CTPS2: variants seen among roughly 807,000 people sequenced by gnomAD.
CTPS2 encodes the protein CTP synthase 2, also known as CTP synthase II.
In CTPS2, 19 loss-of-function variants were observed where a neutral mutation model predicts 46.8. The observed-to-expected ratio is 0.41, with a 90% CI of 0.28 to 0.60. The LOEUF is 0.60. Among genes scored for constraint, CTPS2 ranks in the 20% least tolerant of loss-of-function variants. CTPS2 has a pLI of 0.35. For missense variants in CTPS2, 286 were observed against 447.6 expected, an observed-to-expected ratio of 0.64 and a Z score of 3.26; for synonymous variants, 151 against 165.2, an observed-to-expected ratio of 0.91 and a Z score of 0.66.
intron 18 of CTPS2, among the ~76,000 whole-genome samples, chrX:16,590,343 C>A (rs1398049464): frequency 8.9e-6 from 1 of 111,769 alleles, no homozygotes; most frequent in African/African-American, 3.3e-5. Context: ...CACAGCCATG[C>A]TTGTTCACTT....
At chrX:16,663,108 G>A (rs890642786) in intron 13 of CTPS2, among the ~76,000 whole-genome samples, 2 of 111,395 alleles carry the variant, frequency 1.8e-5, no homozygotes, top group African/African-American at 6.5e-5. Flanking sequence ...AGTATATAAA[G>A]CAAGGTGGGA....
intron 14 of CTPS2, chrX:16,627,076 T>G (rs181147953): frequency 8.8e-6 from 1 of 114,162 alleles, no homozygotes; most frequent in East Asian, 2.8e-4. Context: ...CAATTACTTT[T>G]GCACCAACTT....
intron 14 of CTPS2, 148 bp from the exon 15 acceptor site, chrX:16,620,480 T>TTTC (rs1333098266): frequency 7.6e-5 from 30 of 394,434 alleles, no homozygotes; most frequent in Non-Finnish European, 1.3e-4. Flanking sequence ...TCATCTAGAT[T>TTTC]TTCTTCTTTT....
chrX:16,658,114 G>A (rs920136914), intron 13 of CTPS2, among the ~76,000 whole-genome samples: 1 of 109,725 alleles, frequency 9.1e-6, no homozygotes, highest in Non-Finnish European at 1.9e-5. Context: ...GCTGAGGCAG[G>A]AGGATTATCT....
chrX:16,630,205 A>C (rs1931384707), intron 14 of CTPS2, among the ~76,000 whole-genome samples: 1 of 108,774 alleles, frequency 9.2e-6, no homozygotes, highest in South Asian at 4.0e-4. Context: ...AGTTGTATAA[A>C]CTGCACTGCC....
intron 15 of CTPS2, 24 bp downstream of exon 15, chrX:16,620,253 A>C: frequency 2.6e-6 from 3 of 1,159,822 alleles, no homozygotes; most frequent in Non-Finnish European, 3.5e-6. Context: ...CATATTCCCC[A>C]GTAATTCAGC....
intron 11 of CTPS2, among the ~76,000 whole-genome samples, chrX:16,668,660 GGAAGGAAGGAA>G (rs1280476734): frequency 9.1e-5 from 9 of 99,143 alleles, no homozygotes; most frequent in Non-Finnish European, 1.8e-4. Context: ...ATGGAAGGAA[GGAAGGAAGGAA>G]GAAGGAAGAA....
chrX:16,653,025 A>T (rs904083867), intron 13 of CTPS2, among the ~76,000 whole-genome samples: 7 of 111,522 alleles, frequency 6.3e-5, no homozygotes, highest in Non-Finnish European at 1.1e-4. Flanking sequence ...TTGTGAATCT[A>T]CTTAGCACTA....
chrX:16,639,057 G>A (rs1287482631), intron 14 of CTPS2, 90 bp downstream of exon 14: 4 of 681,332 alleles, frequency 5.9e-6, no homozygotes, highest in Non-Finnish European at 9.6e-6. Context: ...GAAGGGGCAG[G>A]GGGAGTCTCC....
At chrX:16,644,632 G>T (rs898647290) in intron 13 of CTPS2, among the ~76,000 whole-genome samples, 1 of 111,705 alleles carries the variant, frequency 9.0e-6, no homozygotes, top group Non-Finnish European at 1.9e-5. Context: ...TGGGCAAGTG[G>T]CCTCTAGAAG....
At chrX:16,605,746 T>C (rs73448239) in intron 17 of CTPS2, among the ~76,000 whole-genome samples, 2,873 of 112,417 alleles carry the variant, frequency 0.026, 101 homozygotes, top group African/African-American at 0.087. Context: ...AAATAAATAT[T>C]AGCTATGAGT....
chrX:16,682,853 C>T (rs896723643), intron 9 of CTPS2, among the ~76,000 whole-genome samples: 13 of 112,015 alleles, frequency 1.2e-4, no homozygotes, highest in Non-Finnish European at 1.9e-4. Context: ...TAGAAGCTTG[C>T]GCCTGGTTAC....
Position 16,690,371 on chromosome X carries a change from CA to C in CTPS2, c.721-771del, listed in dbSNP as rs1229527802. 8.8e-3 allele frequency among the ~76,000 whole-genome samples: 818 copies of C among 92,659 alleles called. 7 individuals are homozygous for C. The highest frequency in any genetic ancestry group is 0.027 in the African/African-American group (687 of 25,513). 80.5% of individuals were successfully genotyped at this position (92,659 alleles called of 115,157 possible). A position where few individuals can be genotyped will look rare whatever the true frequency, so the allele number is the denominator to read the frequency against. ...GGGTGACAATAGTGAAACTCTGTCT[CA>C]AAAAAAAAAAAAGATTGGACGCAAA... On this transcript the variant is annotated intron_variant, in intron 7 of 18. Transcript: ENST00000359276.
At chrX:16,604,642 C>CAA (rs1391412669) in intron 17 of CTPS2, among the ~76,000 whole-genome samples, 25 of 56,730 alleles carry the variant, frequency 4.4e-4, no homozygotes, top group Admixed American at 1.2e-3. Flanking sequence ...GCCTGAGAAA[C>CAA]AAAAAAAAAA....
chrX:16,639,777 A>AAAAAAAGAAAG (rs781289686), intron 13 of CTPS2, among the ~76,000 whole-genome samples: 1 of 72,665 alleles, frequency 1.4e-5, no homozygotes, highest in Non-Finnish European at 2.7e-5. Flanking sequence ...AAAGGAAAAG[A>AAAAAAAGAAAG]AAAGAAAGAA....
chrX:16,626,032 G>T (rs1931123302), intron 14 of CTPS2, among the ~76,000 whole-genome samples: 1 of 111,333 alleles, frequency 9.0e-6, no homozygotes, highest in Non-Finnish European at 1.9e-5. Context: ...GCCCTCTTCT[G>T]CCCAGTATTT....
chrX:16,634,880 C>T (rs1274196845), intron 14 of CTPS2, among the ~76,000 whole-genome samples: 1 of 105,741 alleles, frequency 9.5e-6, no homozygotes, highest in African/African-American at 3.5e-5. Context: ...ACCTGGGAGG[C>T]GGAGGTTGCA....
intron 14 of CTPS2, among the ~76,000 whole-genome samples, chrX:16,633,438 A>G (rs1406358015): frequency 9.0e-6 from 1 of 111,571 alleles, no homozygotes; most frequent in Non-Finnish European, 1.9e-5. Flanking sequence ...AATTAAATCA[A>G]AGAATATTAT....
chrX:16,691,924 G>A (rs1161712079), intron 6 of CTPS2, among the ~76,000 whole-genome samples: 1 of 112,016 alleles, frequency 8.9e-6, no homozygotes, highest in Non-Finnish European at 1.9e-5. Flanking sequence ...AGGGCCAGAT[G>A]GGAAATATTT....
Sources: allele counts gnomAD v4.1 joint callset (sites outside exome capture counted in the v4.1 genomes callset), GRCh38; gene constraint gnomAD v4.1.1; transcripts MANE v1.5; gene names NCBI Gene and HGNC (gene_info 2026-07-23, HGNC 2026-07-21).